ENOPH1: variants seen among roughly 807,000 people sequenced by gnomAD.
The protein encoded by ENOPH1 is enolase-phosphatase E1.
ENOPH1 carries 14 observed loss-of-function variants against 31.1 expected under a neutral mutation model. The observed-to-expected ratio is 0.45, with a 90% CI of 0.30 to 0.70. The LOEUF (loss-of-function observed/expected upper bound fraction) is 0.70, where lower values mean the gene tolerates loss of function less well. Among genes scored for constraint, ENOPH1 ranks in the 30% least tolerant of loss-of-function variants. ENOPH1 has a pLI of 0.09. For missense variants in ENOPH1, 243 were observed against 321.5 expected (o/e 0.76, Z 1.87); for synonymous variants, 127 against 123.2 (o/e 1.03, Z -0.21).
chr4:82,447,947 A>G lies in ENOPH1; in HGVS notation c.112A>G (p.Asn38Asp), dbSNP rs1722238375. 1.2e-6 allele frequency: 2 copies of G among 1,610,558 alleles called. No individual in the cohort carries two copies. The highest frequency in any genetic ancestry group is 1.7e-5 in the Admixed American group (1 of 59,442). Residue 38 changes from asparagine to aspartate, a missense_variant, in exon 2 of 6, where the codon AAT becomes GAT. Transcript: ENST00000273920. Reference protein sequence around the residue: ...KDILFPYIEENVKEYLQTHWE... With the variant: ...KDILFPYIEEDVKEYLQTHWE... ...CATTTTATTTCCTTACATCGAAGAA[A>G]ATGTTAAAGAGTATCTGCAGACACA...
At chr4:82,438,842 G>C (rs983239597) in intron 1 of ENOPH1, among the ~76,000 whole-genome samples, 1 of 151,598 alleles carries the variant, frequency 6.6e-6, no homozygotes, top group African/African-American at 2.4e-5. Flanking sequence ...TATCCTTGCA[G>C]CTTACCCTGT....
intron 3 of ENOPH1, 110 bp from the exon 4 acceptor site, chr4:82,454,612 C>T (rs746755582): frequency 1.7e-5 from 21 of 1,239,062 alleles, no homozygotes; most frequent in Non-Finnish European, 2.0e-5. Context: ...AGCTGCTTCT[C>T]AGGTTACCAT....
At chr4:82,449,942 A>G (rs72909833) in intron 2 of ENOPH1, among the ~76,000 whole-genome samples, 21,890 of 151,864 alleles carry the variant, frequency 0.14, 1,622 homozygotes, top group Non-Finnish European at 0.16. Context: ...TTCCTTCCAC[A>G]TTGTGTGCTA....
In ENOPH1 at chr4:82,430,595, G is replaced by C. The variant is rs1288419370; in HGVS notation, c.-235G>C. On this transcript the variant is annotated 5_prime_UTR_variant, in exon 1 of 6. Transcript: ENST00000273920. ...CCCCTTTTCCTGCCCACGTGGTCTCGGGCTCCTGCCCCGTCCTGCTCACGA... is the reference window on the plus strand; with the variant it reads ...CCCCTTTTCCTGCCCACGTGGTCTCCGGCTCCTGCCCCGTCCTGCTCACGA... 2.1e-6 allele frequency: 1 copy of C among 477,586 alleles called. No individual in the cohort carries two copies. The highest frequency in any genetic ancestry group is 3.7e-6 in the Non-Finnish European group (1 of 268,150). The allele number at this position is 477,586 out of a possible 1,614,324, so 29.6% of individuals were successfully genotyped here.
At position 82,456,528 on chromosome 4, in the gene ENOPH1, G is replaced by A. The variant is rs114481752; in HGVS notation, c.523-387G>A. On this transcript the variant is annotated intron_variant, in intron 4 of 5. Transcript: ENST00000273920. ...GGCAGGTTAGAGAAATTTTTTCATC[G>A]TAAGATTAAAGGACAGTGTTCAGAA... Among the ~76,000 whole-genome samples the A allele has an allele frequency of 6.9e-3, 1,045 of 152,250 alleles. 7 individuals carry two copies. Among genetic ancestry groups the A allele is most frequent in the South Asian group, 0.019 (94 of 4,822 alleles).
At chr4:82,448,265 T>G (rs1449296745) in intron 2 of ENOPH1, among the ~76,000 whole-genome samples, 2 of 132,136 alleles carry the variant, frequency 1.5e-5, no homozygotes, top group Admixed American at 7.2e-5. Flanking sequence ...TGTTTTGTTT[T>G]TTTTGTTTTT....
chr4:82,458,096 C>T (rs1257751846), intron 5 of ENOPH1, among the ~76,000 whole-genome samples: 7 of 150,336 alleles, frequency 4.7e-5, no homozygotes, highest in East Asian at 2.0e-4. Flanking sequence ...CTTGGGTCAT[C>T]GGCAGCTGGG....
chr4:82,430,614 C>T lies in ENOPH1; in HGVS notation c.-216C>T, dbSNP rs1475606975. The T allele has an allele frequency of 7.1e-6, 4 of 561,754 alleles. No individual in the cohort carries two copies. Among genetic ancestry groups the T allele is most frequent in the Non-Finnish European group, 1.3e-5 (4 of 314,220 alleles). 34.8% of individuals were successfully genotyped at this position (561,754 alleles called of 1,614,324 possible). A position where few individuals can be genotyped will look rare whatever the true frequency, so the allele number is the denominator to read the frequency against. On this transcript the variant is annotated 5_prime_UTR_variant, in exon 1 of 6. Coordinates refer to ENST00000273920, the MANE Select transcript of ENOPH1 (RefSeq NM_021204.5). ...GGTCTCGGGCTCCTGCCCCGTCCTG[C>T]TCACGAGTTCAGGGCTCCTGGGCGG... is the stretch of plus-strand genomic sequence containing the variant.
intron 2 of ENOPH1, among the ~76,000 whole-genome samples, chr4:82,449,929 C>G (rs1358968726): frequency 6.6e-6 from 1 of 152,168 alleles, no homozygotes; most frequent in Non-Finnish European, 1.5e-5. Flanking sequence ...ATCAGTCTGT[C>G]TTTTCCTTCC....
chr4:82,447,974 T>C lies in ENOPH1; in HGVS notation c.139T>C (p.Trp47Arg). The C allele has an allele frequency of 6.2e-7, 1 of 1,613,496 alleles. No individual in the cohort carries two copies. The highest frequency in any genetic ancestry group is 8.5e-7 in the Non-Finnish European group (1 of 1,179,624). ...TGTTAAAGAGTATCTGCAGACACAT[T>C]GGGAAGAAGAGGAGTGCCAGCAGGA... ...ENVKEYLQTH[W>R]EEEECQQDVS... The change falls in exon 2 of 6, where the codon TGG (tryptophan) becomes CGG (arginine). Residue 47 changes from tryptophan to arginine, a missense_variant. By Grantham distance (101) the Trp-to-Arg change is moderately radical. Coordinates refer to ENST00000273920, the MANE Select transcript of ENOPH1 (RefSeq NM_021204.5).
chr4:82,456,772 C>A (rs1333370090), intron 4 of ENOPH1, 143 bp from the exon 5 acceptor site: 1 of 927,852 alleles, frequency 1.1e-6, no homozygotes, highest in South Asian at 2.1e-5. Flanking sequence ...CTTTGTATAG[C>A]CTCCATAAAG....
At chr4:82,454,050 T>TAAAAAAAAAAA (rs34247093) in intron 3 of ENOPH1, among the ~76,000 whole-genome samples, 1 of 134,870 alleles carries the variant, frequency 7.4e-6, no homozygotes. Context: ...TACAAAAAAT[T>TAAAAAAAAAAA]AAAAAAAAAA....
At chr4:82,452,918 T>TA (rs35648829) in intron 3 of ENOPH1, among the ~76,000 whole-genome samples, 1 of 144,884 alleles carries the variant, frequency 6.9e-6, no homozygotes, top group Non-Finnish European at 1.5e-5. Flanking sequence ...TTTTTTTTTT[T>TA]TGAGACGGAG....
chr4:82,431,563 T>C (rs898327592), intron 1 of ENOPH1, among the ~76,000 whole-genome samples: 2 of 152,236 alleles, frequency 1.3e-5, no homozygotes, highest in African/African-American at 4.8e-5. Context: ...GAAGCTCTTA[T>C]CCAGAGCATT....
chr4:82,437,845 A>C (rs1043642750), intron 1 of ENOPH1, among the ~76,000 whole-genome samples: 7 of 152,104 alleles, frequency 4.6e-5, no homozygotes, highest in African/African-American at 1.7e-4. Context: ...TGCATTCCGG[A>C]ATGGGTGTGG....
At chr4:82,453,125 T>A (rs1301177834) in intron 3 of ENOPH1, among the ~76,000 whole-genome samples, 2 of 151,972 alleles carry the variant, frequency 1.3e-5, no homozygotes, top group Non-Finnish European at 2.9e-5. Context: ...ATGCTCTCGA[T>A]CTCCTGACCT....
intron 1 of ENOPH1, among the ~76,000 whole-genome samples, chr4:82,447,193 C>T (rs1345894833): frequency 6.6e-6 from 1 of 151,932 alleles, no homozygotes; most frequent in Non-Finnish European, 1.5e-5. Context: ...ACCATGTTGG[C>T]CAGGCTGGTC....
intron 3 of ENOPH1, among the ~76,000 whole-genome samples, chr4:82,453,300 A>G (rs1354503213): frequency 6.6e-6 from 1 of 152,154 alleles, no homozygotes; most frequent in African/African-American, 2.4e-5. Flanking sequence ...CTGTCAAATG[A>G]GATGTTGTTT....
intron 4 of ENOPH1, among the ~76,000 whole-genome samples, chr4:82,455,914 T>C (rs1722482305): frequency 6.6e-6 from 1 of 152,232 alleles, no homozygotes; most frequent in South Asian, 2.1e-4. Context: ...ATTGAGCACC[T>C]ACCATGTGCA....
Sources: gnomAD v4.1 joint callset for allele counts (sites outside exome capture counted in the v4.1 genomes callset) on GRCh38, gnomAD v4.1.1 for gene constraint, MANE v1.5 for transcripts, NCBI Gene and HGNC (gene_info 2026-07-23, HGNC 2026-07-21) for gene names.